Variants in PRKCH observed in about 807,000 individuals in gnomAD.
PRKCH encodes protein kinase C eta type.
PRKCH carries 28 observed loss-of-function variants against 82.5 expected under a neutral mutation model. The ratio of observed to expected loss-of-function variants is 0.34; its 90% CI spans 0.25 to 0.47. The LOEUF is 0.47. Among genes scored for constraint, PRKCH ranks in the 20% least tolerant of loss-of-function variants. The pLI, the probability that PRKCH is intolerant of heterozygous loss-of-function variation, is 1.00. For missense variants in PRKCH, 705 were observed against 881.8 expected, an observed-to-expected ratio of 0.80 and a Z score of 2.54; for synonymous variants, 322 against 327.4, an observed-to-expected ratio of 0.98 and a Z score of 0.18.
At chr14:61,448,342 A>C (rs755118106) in intron 4 of PRKCH, among the ~76,000 whole-genome samples, 1 of 152,222 alleles carries the variant, frequency 6.6e-6, no homozygotes. Context: ...AAGCTCAACT[A>C]TCTGCAGTGT....
At chr14:61,189,479 C>G (rs914462833) in intron 1 of PRKCH, among the ~76,000 whole-genome samples, 2 of 151,860 alleles carry the variant, frequency 1.3e-5, no homozygotes, top group Non-Finnish European at 2.9e-5. Flanking sequence ...TCCTTTATTG[C>G]TAACAGACTG....
intron 2 of PRKCH, among the ~76,000 whole-genome samples, chr14:61,409,351 C>T (rs560599514): frequency 1.3e-5 from 2 of 152,158 alleles, no homozygotes; most frequent in Non-Finnish European, 2.9e-5. Context: ...CTACTCTGGC[C>T]GATTCTTTCA....
intron 10 of PRKCH, among the ~76,000 whole-genome samples, chr14:61,520,319 T>G (rs2042888243): frequency 6.6e-6 from 1 of 152,144 alleles, no homozygotes; most frequent in Admixed American, 6.5e-5. Context: ...TTTATCCCTC[T>G]CTGTCACAAT....
chr14:61,277,125 G>A (rs181880913), intron 1 of PRKCH, among the ~76,000 whole-genome samples: 1 of 152,192 alleles, frequency 6.6e-6, no homozygotes, highest in African/African-American at 2.4e-5. Flanking sequence ...AGCGGAGGTT[G>A]CAGTGAGCCG....
chr14:61,201,521 A>G (rs1033796345), intron 1 of PRKCH, among the ~76,000 whole-genome samples: 2 of 152,224 alleles, frequency 1.3e-5, no homozygotes, highest in African/African-American at 4.8e-5. Context: ...TGACTTGATT[A>G]TAATAACAAG....
chr14:61,386,784 G>A (rs1354736142), intron 1 of PRKCH, among the ~76,000 whole-genome samples: 1 of 152,204 alleles, frequency 6.6e-6, no homozygotes, highest in African/African-American at 2.4e-5. Context: ...GGATAGCACG[G>A]ATGTTAGAAG....
chr14:61,362,656 A>G (rs1022233593), intron 1 of PRKCH, among the ~76,000 whole-genome samples: 2 of 152,238 alleles, frequency 1.3e-5, no homozygotes, highest in Non-Finnish European at 2.9e-5. Flanking sequence ...TGCAGTGATC[A>G]TAAGGAAAGG....
intron 9 of PRKCH, among the ~76,000 whole-genome samples, chr14:61,482,026 C>G (rs28393786): frequency 0.046 from 6,705 of 144,544 alleles, 347 homozygotes; most frequent in East Asian, 0.22. Flanking sequence ...GACAGAGTCC[C>G]CCTCTGTCTC....
chr14:61,450,227 AATTGTGGTATGG>A lies in PRKCH; in HGVS notation c.703-613_703-602del, dbSNP rs1884440289. On this transcript the variant is annotated intron_variant, in intron 5 of 13. Transcript: ENST00000332981. ...GCATGGATCTGTTGTTATAGCATCA[AATTGTGGTATGG>A]ACTGCAGAGTACATGCCTAGTGGAA... Among the ~76,000 whole-genome samples the A allele has an allele frequency of 4.6e-5, 7 of 152,312 alleles. 1 individual carries two copies. The South Asian group carries it at 1.2e-3, about 27-fold the overall frequency.
At chr14:61,256,226 C>A (rs1021030058) in intron 1 of PRKCH, among the ~76,000 whole-genome samples, 5 of 152,160 alleles carry the variant, frequency 3.3e-5, no homozygotes, top group Admixed American at 6.5e-5. Flanking sequence ...AAAAGCTGAC[C>A]AGGAATGCAT....
chr14:61,535,925 C>G (rs1004276144), intron 12 of PRKCH, among the ~76,000 whole-genome samples: 12 of 152,176 alleles, frequency 7.9e-5, no homozygotes, highest in Admixed American at 7.2e-4. Flanking sequence ...CTAAAATTTC[C>G]ACATGGAAAA....
intron 2 of PRKCH, among the ~76,000 whole-genome samples, chr14:61,421,755 C>T (rs1882845291): frequency 6.6e-6 from 1 of 152,290 alleles, no homozygotes; most frequent in East Asian, 1.9e-4. Flanking sequence ...ATCCCCTAAC[C>T]CCCTGGTCCT....
At chr14:61,370,806 G>C (rs778639733) in intron 1 of PRKCH, among the ~76,000 whole-genome samples, 1 of 152,062 alleles carries the variant, frequency 6.6e-6, no homozygotes, top group African/African-American at 2.4e-5. Context: ...TTGCAGATAG[G>C]AGTACTCATA....
intron 2 of PRKCH, among the ~76,000 whole-genome samples, chr14:61,427,901 C>T (rs915021849): frequency 2.0e-4 from 31 of 151,872 alleles, no homozygotes; most frequent in African/African-American, 7.5e-4. Context: ...CTTTATCTAT[C>T]ATGTGATGCT....
Position 61,391,186 on chromosome 14 carries a change from A to G in PRKCH, c.364-39A>G, listed in dbSNP as rs769699998. 3.2e-6 allele frequency: 5 copies of G among 1,550,488 alleles called. No individual in the cohort carries two copies. In the South Asian group the frequency reaches 4.7e-5, roughly 15 times the overall value. On this transcript the variant is annotated intron_variant, in intron 1 of 13. Coordinates refer to ENST00000332981, the MANE Select transcript of PRKCH (RefSeq NM_006255.5). ...GTTTAAGGCCCACAAAAATATTTTA[A>G]AACTAACATATAATATACATTTTTT... is the stretch of plus-strand genomic sequence containing the variant.
chr14:61,253,455 C>T (rs1208357762), intron 1 of PRKCH, among the ~76,000 whole-genome samples: 2 of 151,996 alleles, frequency 1.3e-5, no homozygotes, highest in African/African-American at 2.4e-5. Context: ...AAACTTGGCA[C>T]ACCTTGCCAG....
At chr14:61,233,895 A>C (rs184278068) in intron 1 of PRKCH, among the ~76,000 whole-genome samples, 1 of 152,238 alleles carries the variant, frequency 6.6e-6, no homozygotes, top group East Asian at 1.9e-4. Context: ...AGAATGGATG[A>C]ATACATTGGT....
At chr14:61,212,460 G>A (rs544025907) in intron 1 of PRKCH, among the ~76,000 whole-genome samples, 1 of 152,314 alleles carries the variant, frequency 6.6e-6, no homozygotes, top group South Asian at 2.1e-4. Context: ...GCATATTGCT[G>A]ATACTTGCCT....
intron 2 of PRKCH, among the ~76,000 whole-genome samples, chr14:61,430,161 AT>A (rs1883314701): frequency 6.6e-6 from 1 of 152,246 alleles, no homozygotes; most frequent in Admixed American, 6.5e-5. Context: ...TGAGCAAAAG[AT>A]TTGAACAGAC....
Sources: gnomAD v4.1 joint callset for allele counts (sites outside exome capture counted in the v4.1 genomes callset) on GRCh38, gnomAD v4.1.1 for gene constraint, MANE v1.5 for transcripts, NCBI Gene and HGNC (gene_info 2026-07-23, HGNC 2026-07-21) for gene names.